The following NMNAT2 variants were observed in gnomAD, a reference collection of about 807,000 sequenced individuals.
NMNAT2 encodes the protein nicotinamide nucleotide adenylyltransferase 2, also known as nicotinamide/nicotinic acid mononucleotide adenylyltransferase 2.
In NMNAT2, 11 loss-of-function variants were observed where a neutral mutation model predicts 41.6. The ratio of observed to expected loss-of-function variants is 0.26; its 90% CI spans 0.17 to 0.44. The LOEUF is 0.44. Ranked by LOEUF, NMNAT2 falls within the 20% of genes least tolerant of loss-of-function variation. The pLI is 1.00. For synonymous variants in NMNAT2, 148 were observed against 151.2 expected, an observed-to-expected ratio of 0.98 and a Z score of 0.16; for missense variants, 288 against 407.7, an observed-to-expected ratio of 0.71 and a Z score of 2.53.
chr1:183,251,306 G>A lies in NMNAT2; in HGVS notation c.*1335C>T, dbSNP rs1425548826. The A allele has an allele frequency of 6.6e-6, 1 of 151,524 alleles. No homozygotes were observed. Among genetic ancestry groups the A allele is most frequent in the East Asian group, 1.9e-4 (1 of 5,200 alleles). The allele number at this position is 151,524 out of a possible 1,614,324, so 9.4% of individuals were successfully genotyped here. ...AGACCAAGGCACTGCTTCTCAAGAAGAAACTGACCTCATGCACTGTCTGAG... is the reference window on the plus strand; with the variant it reads ...AGACCAAGGCACTGCTTCTCAAGAAAAAACTGACCTCATGCACTGTCTGAG... On this transcript the variant is annotated 3_prime_UTR_variant, in exon 11 of 11. Coordinates refer to ENST00000287713, the MANE Select transcript of NMNAT2 (RefSeq NM_015039.4).
At chr1:183,300,262 C>T (rs144661661) in intron 1 of NMNAT2, among the ~76,000 whole-genome samples, 1,563 of 152,124 alleles carry the variant, frequency 0.01, 9 homozygotes, top group Middle Eastern at 0.024. Context: ...ATTAGCCAGG[C>T]GTGGTGGCAC....
intron 1 of NMNAT2, among the ~76,000 whole-genome samples, chr1:183,416,157 T>C (rs141904131): frequency 1.8e-4 from 28 of 152,360 alleles, no homozygotes; most frequent in Admixed American, 5.2e-4. Context: ...CAAAAGCCTT[T>C]ATTACTGTTA....
intron 1 of NMNAT2, among the ~76,000 whole-genome samples, chr1:183,415,398 C>G (rs1402644610): frequency 6.6e-6 from 1 of 152,148 alleles, no homozygotes; most frequent in African/African-American, 2.4e-5. Flanking sequence ...AGACATGAGA[C>G]AAAGATCTTA....
chr1:183,296,117 T>G (rs182465654), intron 1 of NMNAT2, among the ~76,000 whole-genome samples: 65 of 152,322 alleles, frequency 4.3e-4, no homozygotes, highest in African/African-American at 1.4e-3. Context: ...CCCAAAGTGC[T>G]GGGATTACAG....
At chr1:183,348,273 C>T (rs777118088) in intron 1 of NMNAT2, among the ~76,000 whole-genome samples, 13 of 152,024 alleles carry the variant, frequency 8.6e-5, no homozygotes, top group Non-Finnish European at 1.5e-4. Context: ...TTAAGCTGTG[C>T]GTGCGTGCAC....
At chr1:183,366,213 G>A (rs1324791511) in intron 1 of NMNAT2, among the ~76,000 whole-genome samples, 4 of 152,138 alleles carry the variant, frequency 2.6e-5, no homozygotes. Context: ...TGCTATTTAT[G>A]TATTAATTCA....
chr1:183,313,870 G>A (rs12741099), intron 1 of NMNAT2, among the ~76,000 whole-genome samples: 2 of 152,204 alleles, frequency 1.3e-5, no homozygotes, highest in Non-Finnish European at 2.9e-5. Context: ...ACCCTGCAGA[G>A]GAAGGCTGGA....
chr1:183,357,312 C>T (rs1240358998), intron 1 of NMNAT2, among the ~76,000 whole-genome samples: 2 of 147,456 alleles, frequency 1.4e-5, no homozygotes, highest in African/African-American at 5.0e-5. Flanking sequence ...TCACTGCAAG[C>T]TCCGCCTCCC....
At chr1:183,299,901 G>C (rs990419697) in intron 1 of NMNAT2, among the ~76,000 whole-genome samples, 1 of 152,120 alleles carries the variant, frequency 6.6e-6, no homozygotes, top group African/African-American at 2.4e-5. Context: ...TTCTACTATA[G>C]TTATAGAAAA....
rs1371881840 is a variant in NMNAT2 at position 183,252,465 on chromosome 1, T to C, written c.*176A>G. ...GACTAGAGGAAAGTCTGTCCAAAGA[T>C]GACTGTGGAATAGGGAATGCCATGG... On this transcript the variant is annotated 3_prime_UTR_variant, in exon 11 of 11. Transcript: ENST00000287713. 2.0e-6 allele frequency: 1 copy of C among 498,520 alleles called. No homozygotes were observed. Among genetic ancestry groups the C allele is most frequent in the African/African-American group, 2.0e-5 (1 of 50,870 alleles). 30.9% of individuals were successfully genotyped at this position (498,520 alleles called of 1,614,324 possible). A position where few individuals can be genotyped will look rare whatever the true frequency, so the allele number is the denominator to read the frequency against.
chr1:183,389,033 T>A (rs1317492325), intron 1 of NMNAT2, among the ~76,000 whole-genome samples: 1 of 151,686 alleles, frequency 6.6e-6, no homozygotes, highest in Admixed American at 6.6e-5. Context: ...CAGGAGGGAG[T>A]TAGGGAATGG....
Position 183,418,285 on chromosome 1 carries a change from C to T in NMNAT2, c.-18G>A. 6.2e-7 allele frequency: 1 copy of T among 1,612,580 alleles called. No homozygotes were observed. Among genetic ancestry groups the T allele is most frequent in the South Asian group, 1.1e-5 (1 of 91,034 alleles). On this transcript the variant is annotated 5_prime_UTR_variant, in exon 1 of 11. Transcript: ENST00000287713. The stretch of plus-strand genomic sequence containing the variant: ...TCGGTCATGGTGCAGATGGGTCCTT[C>T]GCGGTGGTCTAGGGGTTGCCTCTCT...
intron 8 of NMNAT2, among the ~76,000 whole-genome samples, chr1:183,269,797 A>G (rs1407064616): frequency 1.3e-5 from 2 of 152,232 alleles, no homozygotes; most frequent in Non-Finnish European, 2.9e-5. Flanking sequence ...TGTGAATGGA[A>G]TCCACCGTGG....
intron 8 of NMNAT2, among the ~76,000 whole-genome samples, chr1:183,274,773 A>AG (rs1189826091): frequency 6.6e-6 from 1 of 151,754 alleles, no homozygotes; most frequent in Non-Finnish European, 1.5e-5. Context: ...CTCTAAAAAA[A>AG]AAAAAAAGAA....
intron 1 of NMNAT2, among the ~76,000 whole-genome samples, chr1:183,391,132 A>G (rs980422272): frequency 4.6e-5 from 7 of 152,098 alleles, no homozygotes; most frequent in African/African-American, 1.4e-4. Flanking sequence ...ACACCACATC[A>G]CTTAGGCTCT....
rs1660329853 is a variant in NMNAT2 at position 183,249,878 on chromosome 1, AT to A, written c.*2762del. The A allele has an allele frequency of 6.6e-6, 1 of 152,036 alleles. No homozygotes were observed. Among genetic ancestry groups the A allele is most frequent in the African/African-American group, 2.4e-5 (1 of 41,372 alleles). The allele number at this position is 152,036 out of a possible 1,614,324, so 9.4% of individuals were successfully genotyped here. On this transcript the variant is annotated 3_prime_UTR_variant, in exon 11 of 11. Coordinates refer to ENST00000287713, the MANE Select transcript of NMNAT2 (RefSeq NM_015039.4). ...GATCTGCCCCACTTCATTCCTAGAA[AT>A]CTACTTCTATGGCACCTGTTCTTTG...
intron 1 of NMNAT2, among the ~76,000 whole-genome samples, chr1:183,295,343 A>C (rs942349167): frequency 2.6e-5 from 4 of 152,214 alleles, no homozygotes. Context: ...GATTAAAAAA[A>C]AAATGAATAG....
intron 1 of NMNAT2, among the ~76,000 whole-genome samples, chr1:183,294,460 G>A (rs180975859): frequency 1.0e-3 from 156 of 152,272 alleles, no homozygotes; most frequent in Admixed American, 5.4e-3. Context: ...GGACTGAAAA[G>A]TCTGGTTCTA....
chr1:183,252,728 A>G lies in NMNAT2; in HGVS notation c.837T>C (p.His279=). Residue 279 remains histidine, a synonymous_variant, in exon 11 of 11, where the codon CAT becomes CAC. Transcript: ENST00000287713. ...GGTAATCCACAACATGGCCGTCCCC[A>G]TGCTGCAGGGCCAGCCTGCACAAGA... is the stretch of plus-strand genomic sequence containing the variant. The part of the protein sequence containing the change: ...SSTKSRLALQ[H]GDGHVVDYLS... 1 of 1,613,912 alleles carries G rather than the reference A, an allele frequency of 6.2e-7. No individual in the cohort carries two copies. Among genetic ancestry groups the G allele is most frequent in the Non-Finnish European group, 8.5e-7 (1 of 1,179,842 alleles).
Sources: allele counts gnomAD v4.1 joint callset (sites outside exome capture counted in the v4.1 genomes callset), GRCh38; gene constraint gnomAD v4.1.1; transcripts MANE v1.5; gene names NCBI Gene and HGNC (gene_info 2026-07-23, HGNC 2026-07-21).